Variants in TCP11L2 observed in about 807,000 individuals in gnomAD.
TCP11L2 encodes the protein t-complex 11 like 2.
In TCP11L2, 39 loss-of-function variants were observed where a neutral mutation model predicts 50.7. That is an observed-to-expected ratio of 0.77 (90% CI 0.60 to 1.01). TCP11L2 has a LOEUF of 1.01. Ranked by LOEUF, TCP11L2 falls within the 50% of genes least tolerant of loss-of-function variation. TCP11L2 has a pLI of 0.00. For missense variants in TCP11L2, 612 were observed against 614.7 expected, an observed-to-expected ratio of 1.00 and a Z score of 0.05; for synonymous variants, 192 against 219.3, an observed-to-expected ratio of 0.88 and a Z score of 1.10.
intron 6 of TCP11L2, chr12:106,324,920 C>G (rs2035483895): frequency 6.6e-6 from 1 of 152,006 alleles, no homozygotes; most frequent in Non-Finnish European, 1.5e-5. Flanking sequence ...CATTTGACAT[C>G]AATGTGGAGA....
chr12:106,314,637 C>G (rs903032669), intron 3 of TCP11L2, 144 bp downstream of exon 3: 8 of 712,418 alleles, frequency 1.1e-5, no homozygotes, highest in East Asian at 8.5e-5. Context: ...TACACTGATT[C>G]CTGGAAGTTC....
At chr12:106,309,016 G>A (rs1031834427) in intron 1 of TCP11L2, among the ~76,000 whole-genome samples, 16 of 152,204 alleles carry the variant, frequency 1.1e-4, no homozygotes, top group Admixed American at 9.2e-4. Flanking sequence ...CAGGAGACGC[G>A]CTGCAGACAT....
intron 5 of TCP11L2, among the ~76,000 whole-genome samples, chr12:106,322,633 CAG>C (rs2035380285): frequency 2.0e-5 from 3 of 152,142 alleles, no homozygotes; most frequent in African/African-American, 7.2e-5. Flanking sequence ...GCCATTGAAG[CAG>C]AGTTTTCTTT....
At chr12:106,312,347 A>T in intron 2 of TCP11L2, 1 of 1,132,452 alleles carries the variant, frequency 8.8e-7, no homozygotes, top group Non-Finnish European at 1.2e-6. Flanking sequence ...TTTGGATATC[A>T]CTGGATTATT....
chr12:106,318,277 G>A, intron 3 of TCP11L2, 67 bp from the exon 4 acceptor site: 1 of 1,529,724 alleles, frequency 6.5e-7, no homozygotes, highest in Admixed American at 1.8e-5. Context: ...CTACAATGAG[G>A]ATGTTTCTTT....
rs1215405820 is a variant in TCP11L2, at chr12:106,340,874, T to G, written c.1191T>G (p.Cys397Trp). The G allele has an allele frequency of 6.2e-7, 1 of 1,613,504 alleles. No homozygotes were observed. The highest frequency in any genetic ancestry group is 8.5e-7 in the Non-Finnish European group (1 of 1,179,792). ...EVLNSIGIQT[C>W]VEVNKTLMER... Reference sequence around the variant, plus strand: ...TGAATTCTATTGGTATTCAGACTTGTGTTGAGGTTAACAAGACCCTGATGG... The same window carrying G: ...TGAATTCTATTGGTATTCAGACTTGGGTTGAGGTTAACAAGACCCTGATGG... Residue 397 changes from cysteine (C) to tryptophan (W), a missense_variant, in exon 9 of 10, where the codon TGT (cysteine) becomes TGG (tryptophan). Transcript: ENST00000299045.
chr12:106,331,378 AC>A (rs2035741639), intron 6 of TCP11L2, among the ~76,000 whole-genome samples: 1 of 152,056 alleles, frequency 6.6e-6, no homozygotes, highest in South Asian at 2.1e-4. Flanking sequence ...CATTTTAACC[AC>A]CCCACTGCTT....
chr12:106,336,641 C>T (rs1407722574), intron 8 of TCP11L2, among the ~76,000 whole-genome samples: 1 of 151,386 alleles, frequency 6.6e-6, no homozygotes, highest in Non-Finnish European at 1.5e-5. Flanking sequence ...CAACCTCCGC[C>T]TCCCGGGTTC....
At chr12:106,313,582 A>AAAATAAATAAAT (rs71072668) in intron 2 of TCP11L2, among the ~76,000 whole-genome samples, 15,487 of 139,192 alleles carry the variant, frequency 0.11, 1,044 homozygotes, top group Non-Finnish European at 0.14. Context: ...CCATCTCAAA[A>AAAATAAATAAAT]AAATAAATAA....
At chr12:106,301,839 C>G (rs2034424495), upstream of TCP11L2, 1 of 152,268 alleles carries the variant, frequency 6.6e-6, no homozygotes, top group Admixed American at 6.5e-5. Context: ...CCTCCTGGGA[C>G]TGGTTATTTA....
chr12:106,311,690 AC>A (rs2034859631), intron 2 of TCP11L2, among the ~76,000 whole-genome samples: 1 of 152,198 alleles, frequency 6.6e-6, no homozygotes, highest in African/African-American at 2.4e-5. Context: ...TGTGCAAATC[AC>A]CCCAGGAAGG....
intron 8 of TCP11L2, among the ~76,000 whole-genome samples, chr12:106,337,879 T>G: frequency 6.6e-6 from 1 of 152,226 alleles, no homozygotes; most frequent in East Asian, 1.9e-4. Flanking sequence ...ATCTGGTTGT[T>G]TATCTGGTTG....
chr12:106,306,450 A>G (rs150929718), intron 1 of TCP11L2, among the ~76,000 whole-genome samples: 18 of 152,296 alleles, frequency 1.2e-4, no homozygotes, highest in African/African-American at 4.3e-4. Context: ...TTTCAACTTC[A>G]GTATATTTAA....
Position 106,311,250 on chromosome 12 carries a change from C to A in TCP11L2, c.157+18C>A, listed in dbSNP as rs372571600. On this transcript the variant is annotated intron_variant, in intron 2 of 9. Coordinates refer to ENST00000299045, the MANE Select transcript of TCP11L2 (RefSeq NM_152772.3). ...TCCTGCTTGTGAGCCGATGGGGGAG[C>A]AGGGGTTGTGGGTGGCAGGGGTACT... The A allele has an allele frequency of 6.8e-6, 11 of 1,611,384 alleles. No individual in the cohort carries two copies. The highest frequency in any genetic ancestry group is 9.3e-6 in the Non-Finnish European group (11 of 1,178,186).
At chr12:106,324,300 T>C (rs1172344514) in intron 6 of TCP11L2, 2 of 152,180 alleles carry the variant, frequency 1.3e-5, no homozygotes, top group South Asian at 2.1e-4. Flanking sequence ...CGTTCTAGCC[T>C]GAGGGACTGC....
chr12:106,343,474 A>C (rs974100082), intron 9 of TCP11L2, among the ~76,000 whole-genome samples: 1 of 152,188 alleles, frequency 6.6e-6, no homozygotes, highest in Non-Finnish European at 1.5e-5. Flanking sequence ...AAGGGTACCC[A>C]CAGTATGCTT....
intron 5 of TCP11L2, among the ~76,000 whole-genome samples, chr12:106,323,032 A>G (rs1030256383): frequency 6.6e-6 from 1 of 152,208 alleles, no homozygotes; most frequent in Middle Eastern, 3.2e-3. Flanking sequence ...AGATGAGGAA[A>G]CTGAGGCTCA....
intron 6 of TCP11L2, chr12:106,329,791 C>A: frequency 2.0e-6 from 2 of 990,662 alleles, no homozygotes; most frequent in Non-Finnish European, 2.4e-6. Flanking sequence ...TTTCCACTCG[C>A]GCTCTCTCAG....
chr12:106,320,819 T>A (rs898009453), intron 4 of TCP11L2, among the ~76,000 whole-genome samples: 1 of 152,262 alleles, frequency 6.6e-6, no homozygotes, highest in Non-Finnish European at 1.5e-5. Flanking sequence ...TCAGTGAGCC[T>A]GCCATAATTA....
Sources: gnomAD v4.1 joint callset for allele counts (sites outside exome capture counted in the v4.1 genomes callset) on GRCh38, gnomAD v4.1.1 for gene constraint, MANE v1.5 for transcripts, NCBI Gene and HGNC (gene_info 2026-07-23, HGNC 2026-07-21) for gene names.